The following HIVEP3 variants were observed in gnomAD, a reference collection of about 807,000 sequenced individuals.
The protein encoded by HIVEP3 is HIVEP zinc finger 3.
In HIVEP3, 49 loss-of-function variants were observed where a neutral mutation model predicts 152.8. The observed-to-expected ratio is 0.32, with a 90% CI of 0.26 to 0.41. HIVEP3 has a LOEUF of 0.41. HIVEP3 is among the 10% of genes least tolerant of loss of function. HIVEP3 has a pLI of 1.00. For missense variants in HIVEP3, 2,790 were observed against 3,103.3 expected, an observed-to-expected ratio of 0.90 and a Z score of 2.40; for synonymous variants, 1,269 against 1,289.0, an observed-to-expected ratio of 0.98 and a Z score of 0.33.
chr1:41,718,010 A>G (rs1646620260), intron 1 of HIVEP3, among the ~76,000 whole-genome samples: 1 of 152,244 alleles, frequency 6.6e-6, no homozygotes, highest in South Asian at 2.1e-4. Context: ...ATGGGATTCC[A>G]GGACCCTAGA....
At chr1:41,807,704 T>C (rs1650717483) in intron 1 of HIVEP3, among the ~76,000 whole-genome samples, 1 of 152,064 alleles carries the variant, frequency 6.6e-6, no homozygotes, top group Non-Finnish European at 1.5e-5. Flanking sequence ...AAAGGGCCAA[T>C]GCTGTTGGGT....
intron 1 of HIVEP3, among the ~76,000 whole-genome samples, chr1:41,960,103 G>A (rs1365801850): frequency 6.6e-6 from 1 of 152,126 alleles, no homozygotes; most frequent in East Asian, 1.9e-4. Context: ...TGGAAACCAG[G>A]GGCTCAGACC....
intron 1 of HIVEP3, among the ~76,000 whole-genome samples, chr1:42,010,060 A>C (rs1273263636): frequency 3.3e-5 from 5 of 151,950 alleles, no homozygotes; most frequent in Non-Finnish European, 7.4e-5. Context: ...ATGCCTGGCT[A>C]ATTTTTTTTC....
At chr1:41,633,153 C>T (rs909020566) in intron 2 of HIVEP3, among the ~76,000 whole-genome samples, 1 of 152,158 alleles carries the variant, frequency 6.6e-6, no homozygotes, top group Admixed American at 6.5e-5. Flanking sequence ...GTCACACACA[C>T]CTGAGGGCCT....
At chr1:41,659,662 G>T (rs1233226997) in intron 2 of HIVEP3, among the ~76,000 whole-genome samples, 1 of 152,208 alleles carries the variant, frequency 6.6e-6, no homozygotes, top group Non-Finnish European at 1.5e-5. Context: ...CTTTGACATT[G>T]ATTAAAGCAA....
At chr1:41,936,860 T>C (rs1441533713) in intron 1 of HIVEP3, among the ~76,000 whole-genome samples, 1 of 152,192 alleles carries the variant, frequency 6.6e-6, no homozygotes, top group Non-Finnish European at 1.5e-5. Context: ...TATTAATAAT[T>C]ACACTATAAT....
intron 1 of HIVEP3, among the ~76,000 whole-genome samples, chr1:41,808,473 TCA>T (rs1650764089): frequency 6.6e-6 from 1 of 152,250 alleles, no homozygotes; most frequent in South Asian, 2.1e-4. Context: ...AAAGCACTTG[TCA>T]CAGTCCAGTT....
chr1:41,630,073 C>T (rs1645172325), intron 2 of HIVEP3, among the ~76,000 whole-genome samples: 1 of 152,190 alleles, frequency 6.6e-6, no homozygotes, highest in South Asian at 2.1e-4. Context: ...GATGCATATA[C>T]ACCATGGAAT....
intron 2 of HIVEP3, among the ~76,000 whole-genome samples, chr1:41,676,174 C>T (rs555517261): frequency 2.0e-5 from 3 of 152,262 alleles, no homozygotes; most frequent in South Asian, 4.2e-4. Flanking sequence ...GCCTTAACCT[C>T]CCCAGTAGCT....
chr1:41,577,917 A>G (rs1644350719), intron 4 of HIVEP3, among the ~76,000 whole-genome samples: 1 of 152,262 alleles, frequency 6.6e-6, no homozygotes, highest in South Asian at 2.1e-4. Flanking sequence ...TTCTGGAAGG[A>G]AACATGCCAG....
chr1:41,809,303 T>C (rs1650812079), intron 1 of HIVEP3, among the ~76,000 whole-genome samples: 1 of 152,200 alleles, frequency 6.6e-6, no homozygotes, highest in African/African-American at 2.4e-5. Flanking sequence ...TTTATATTGA[T>C]AAGAGAGACT....
At chr1:42,016,561 A>G (rs974706288) in intron 1 of HIVEP3, among the ~76,000 whole-genome samples, 1 of 151,810 alleles carries the variant, frequency 6.6e-6, no homozygotes, top group Non-Finnish European at 1.5e-5. Flanking sequence ...ATACATGCAC[A>G]TAAATATTTT....
chr1:41,813,545 C>T (rs1412245209), intron 1 of HIVEP3, among the ~76,000 whole-genome samples: 2 of 152,182 alleles, frequency 1.3e-5, no homozygotes, highest in African/African-American at 2.4e-5. Flanking sequence ...GACTTCTCTC[C>T]GCAGGACCAC....
intron 1 of HIVEP3, among the ~76,000 whole-genome samples, chr1:41,775,624 G>A (rs1209962603): frequency 6.6e-6 from 1 of 152,084 alleles, no homozygotes; most frequent in Non-Finnish European, 1.5e-5. Context: ...CCAAGTAGCT[G>A]GGACTACAGG....
At chr1:41,740,109 G>A (rs1019788582) in intron 1 of HIVEP3, among the ~76,000 whole-genome samples, 5 of 152,194 alleles carry the variant, frequency 3.3e-5, no homozygotes, top group Non-Finnish European at 5.9e-5. Flanking sequence ...AAGTCCTCCA[G>A]GTCTCCCCAT....
intron 3 of HIVEP3, among the ~76,000 whole-genome samples, chr1:41,615,234 A>T (rs1644950119): frequency 6.6e-6 from 1 of 152,228 alleles, no homozygotes; most frequent in Admixed American, 6.5e-5. Context: ...ACTGAATTAA[A>T]TAAATAATTT....
At chr1:41,808,915 G>T (rs1037678738) in intron 1 of HIVEP3, among the ~76,000 whole-genome samples, 5 of 152,222 alleles carry the variant, frequency 3.3e-5, no homozygotes, top group African/African-American at 9.6e-5. Flanking sequence ...TGTGTTCTAT[G>T]ATTTAATTCT....
At position 41,581,103 on chromosome 1, in the gene HIVEP3, G is replaced by A. The variant is rs1471259938; in HGVS notation, c.3695C>T (p.Ser1232Leu). The change falls in exon 4 of 9, where the codon TCA becomes TTA. Residue 1232 changes from serine (S) to leucine (L), a missense_variant. By Grantham distance (145) the Ser-to-Leu change is moderately radical. Coordinates refer to ENST00000372583, the MANE Select transcript of HIVEP3 (RefSeq NM_024503.5). This position sits in a 1 kb window ranked among gnomAD's most constrained non-coding sequence, Gnocchi z 4.5. ...CAGGAAAAACCCAGAAGACAGTGCT[G>A]AGGAGGTCGGGTATGGCATGGGGAG... ...SFLPMPYPTSSALSSGFFLPL... is the reference protein window; with the variant it reads ...SFLPMPYPTSLALSSGFFLPL... 3 of 1,560,082 alleles carry A rather than the reference G, an allele frequency of 1.9e-6. No homozygotes were observed. Among genetic ancestry groups the A allele is most frequent in the East Asian group, 2.3e-5 (1 of 44,386 alleles).
At chr1:42,028,601 C>T (rs1241231125) in intron 1 of HIVEP3, among the ~76,000 whole-genome samples, 1 of 152,128 alleles carries the variant, frequency 6.6e-6, no homozygotes, top group Non-Finnish European at 1.5e-5. Flanking sequence ...ATCTAGAGTC[C>T]AATTAGCCAT....
Sources: gnomAD v4.1 joint callset for allele counts (sites outside exome capture counted in the v4.1 genomes callset) on GRCh38, gnomAD v4.1.1 for gene constraint, Gnocchi (gnomAD v3.1) non-coding constraint, MANE v1.5 for transcripts, NCBI Gene and HGNC (gene_info 2026-07-23, HGNC 2026-07-21) for gene names.